Variants in NOB1 observed in about 807,000 individuals in gnomAD.
The protein encoded by NOB1 is NIN1 (RPN12) binding protein 1 homolog.
Under a neutral mutation model 44.8 loss-of-function variants are expected in NOB1, and 44 were observed. The ratio of observed to expected loss-of-function variants is 0.98; its 90% CI spans 0.77 to 1.26. The LOEUF is 1.26. Among genes scored for constraint, NOB1 ranks in the 50% most tolerant of loss-of-function variants. NOB1 has a pLI of 0.00. For synonymous variants in NOB1, 238 were observed against 218.7 expected, an observed-to-expected ratio of 1.09 and a Z score of -0.78; for missense variants, 560 against 544.8, an observed-to-expected ratio of 1.03 and a Z score of -0.28.
At chr16:69,750,388 A>G (rs141816273) in intron 3 of NOB1, among the ~76,000 whole-genome samples, 1 of 152,182 alleles carries the variant, frequency 6.6e-6, no homozygotes, top group African/African-American at 2.4e-5. Context: ...AGCCCTTAGG[A>G]AGGCTGAGGT....
chr16:69,752,246 G>C lies in NOB1; in HGVS notation c.322C>G (p.Gln108Glu), dbSNP rs768642056. ...AACCCATCCTCTTGATTTACCTTCT[G>C]TGGTTCTTGTTTTAGGTGAGACACC... ...VGVSHLKQEP[Q>E]KVKVSSSIQH... Residue 108 changes from glutamine to glutamate, a missense_variant, in exon 3 of 9, where the codon CAG (glutamine) becomes GAG (glutamate). Physicochemically the swap from Gln to Glu is conservative, Grantham distance 29. Coordinates refer to ENST00000268802, the MANE Select transcript of NOB1 (RefSeq NM_014062.3). The C allele has an allele frequency of 1.2e-6, 2 of 1,611,632 alleles. No individual in the cohort carries two copies. The highest frequency in any genetic ancestry group is 1.7e-6 in the Non-Finnish European group (2 of 1,179,130).
chr16:69,748,292 A>G lies in NOB1; in HGVS notation c.764T>C (p.Val255Ala), dbSNP rs757644602. 6.2e-7 allele frequency: 1 copy of G among 1,614,104 alleles called. No homozygotes were observed. Among genetic ancestry groups the G allele is most frequent in the Non-Finnish European group, 8.5e-7 (1 of 1,179,954 alleles). The change falls in exon 7 of 9, where the codon GTG (valine) becomes GCG (alanine). Residue 255 changes from valine to alanine, a missense_variant. Transcript: ENST00000268802. ...GGCCTCACGAATCAGCATGCCGTTC[A>G]CCGCCAGCACGTGCAGCCCCATCTG... ...LLQMGLHVLA[V>A]NGMLIREARS...
chr16:69,751,510 A>G (rs1357845407), intron 3 of NOB1, among the ~76,000 whole-genome samples: 2 of 150,872 alleles, frequency 1.3e-5, no homozygotes, highest in East Asian at 3.9e-4. Flanking sequence ...GAAAGAGGGA[A>G]AAAAAAAAGG....
chr16:69,744,800 C>G (rs959933440), intron 8 of NOB1, 73 bp downstream of exon 8: 38 of 1,529,898 alleles, frequency 2.5e-5, no homozygotes, highest in African/African-American at 4.1e-5. Context: ...AACGACTAGA[C>G]TAGGTTTTCT....
Position 69,754,844 on chromosome 16 carries a change from G to T in NOB1, c.63+4C>A. ...TCTCTCGTCCCGGAGGGAGCTCCCC[G>T]TACCTGCAGAGCCGCATGCCGCAGG... On this transcript the variant is annotated splice_donor_region_variant and intron_variant, in intron 1 of 8. Transcript: ENST00000268802. The T allele has an allele frequency of 1.9e-6, 3 of 1,602,822 alleles. No individual in the cohort carries two copies. Among genetic ancestry groups the T allele is most frequent in the South Asian group, 2.2e-5 (2 of 90,096 alleles).
chr16:69,744,766 G>A (rs1567641919), intron 8 of NOB1, 107 bp downstream of exon 8: 2 of 1,300,070 alleles, frequency 1.5e-6, no homozygotes, highest in Non-Finnish European at 2.1e-6. Flanking sequence ...TAGGTCACAG[G>A]CTTTCAATCG....
At chr16:69,750,893 TTAG>T (rs1244754360) in intron 3 of NOB1, among the ~76,000 whole-genome samples, 2 of 152,182 alleles carry the variant, frequency 1.3e-5, no homozygotes, top group Non-Finnish European at 2.9e-5. Context: ...TGAATTATTA[TTAG>T]GTTAAAATTT....
chr16:69,751,583 A>G (rs1216610340), intron 3 of NOB1, among the ~76,000 whole-genome samples: 7 of 152,158 alleles, frequency 4.6e-5, no homozygotes. Flanking sequence ...CCAAACAAAC[A>G]AACGCTTTAA....
chr16:69,742,926 C>T (rs553745681), intron 8 of NOB1, among the ~76,000 whole-genome samples: 5 of 152,276 alleles, frequency 3.3e-5, no homozygotes, highest in Middle Eastern at 3.4e-3. Context: ...GTAGCCAAGA[C>T]GCAATGACAC....
Position 69,754,718 on chromosome 16 carries a change from C to T in NOB1, c.72G>A (p.Gly24=), listed in dbSNP as rs942493881. 12 of 1,614,168 alleles carry T rather than the reference C, an allele frequency of 7.4e-6. No individual in the cohort carries two copies. Among genetic ancestry groups the T allele is most frequent in the East Asian group, 2.2e-5 (1 of 44,886 alleles). Residue 24 remains glycine, a synonymous_variant, in exon 2 of 9, where the codon GGG becomes GGA. Coordinates refer to ENST00000268802, the MANE Select transcript of NOB1 (RefSeq NM_014062.3). The part of the protein sequence containing the change: ...FLRHAALQDI[G]KNIYTIREVV... ...CCTCCCGGATGGTGTAAATGTTCTT[C>T]CCGATGTCCTGCGGACAGAACGCCC... is the stretch of plus-strand genomic sequence containing the variant.
intron 2 of NOB1, 45 bp downstream of exon 2, chr16:69,754,549 C>T (rs749305171): frequency 1.2e-6 from 2 of 1,608,152 alleles, no homozygotes. Context: ...GCCATCTGCG[C>T]CCTGGACCCC....
At chr16:69,742,713 C>T (rs2151752240) in intron 8 of NOB1, 112 bp from the exon 9 acceptor site, 2 of 1,135,484 alleles carry the variant, frequency 1.8e-6, no homozygotes, top group Non-Finnish European at 2.6e-6. Context: ...CAGATGACAG[C>T]GGGTGGTAAT....
chr16:69,749,396 G>T lies in NOB1; in HGVS notation c.400-58C>A, dbSNP rs1019702474. 3 of 1,578,328 alleles carry T rather than the reference G, an allele frequency of 1.9e-6. No homozygotes were observed. In the African/African-American group the frequency reaches 4.1e-5, roughly 22 times the overall value. On this transcript the variant is annotated intron_variant, in intron 4 of 8. Transcript: ENST00000268802. ...AAATTCATCTGTAGCCACCTCTCAG[G>T]TCACAGATGAAATCACATATGATAT...
rs2038395522 is a variant in NOB1, at chr16:69,742,728, T to G, written c.970-127A>C. Reference sequence around the variant, plus strand: ...CAGATGACAGCGGGTGGTAATTGACTGCCTACCATGTGCTACGTGTGACAT... The same window carrying G: ...CAGATGACAGCGGGTGGTAATTGACGGCCTACCATGTGCTACGTGTGACAT... On this transcript the variant is annotated intron_variant, in intron 8 of 8. Transcript: ENST00000268802. 16 of 918,776 alleles carry G rather than the reference T, an allele frequency of 1.7e-5. No homozygotes were observed. In the Admixed American group the frequency reaches 3.7e-4, roughly 21 times the overall value. 56.9% of individuals were successfully genotyped at this position (918,776 alleles called of 1,614,324 possible).
At chr16:69,750,765 C>T (rs541867397) in intron 3 of NOB1, among the ~76,000 whole-genome samples, 21 of 152,174 alleles carry the variant, frequency 1.4e-4, no homozygotes, top group African/African-American at 5.1e-4. Context: ...AGAGAGACCC[C>T]ATCTTTCTTA....
intron 4 of NOB1, 100 bp from the exon 5 acceptor site, chr16:69,749,438 A>C: frequency 1.3e-6 from 2 of 1,547,170 alleles, no homozygotes; most frequent in Non-Finnish European, 8.8e-7. Context: ...CAGATCAGAC[A>C]GGGCTGGACA....
intron 3 of NOB1, among the ~76,000 whole-genome samples, chr16:69,751,997 G>A (rs574703550): frequency 2.6e-5 from 4 of 152,050 alleles, no homozygotes; most frequent in African/African-American, 9.6e-5. Flanking sequence ...CCCAGGAGGC[G>A]GAGGCTGCAG....
At position 69,744,357 on chromosome 16, in the gene NOB1, T is replaced by G. The variant is rs565469928; in HGVS notation, c.969+516A>C. On this transcript the variant is annotated intron_variant, in intron 8 of 8. Coordinates refer to ENST00000268802, the MANE Select transcript of NOB1 (RefSeq NM_014062.3). ...AAACCCCAGGAATTGTTTGTACTGT[T>G]TTTACAACTTTTCTATAAGTTGAAA... is the stretch of plus-strand genomic sequence containing the variant. 1.8e-4 allele frequency among the ~76,000 whole-genome samples: 27 copies of G among 152,316 alleles called. No homozygotes were observed. The East Asian group carries it at 4.0e-3, about 23-fold the overall frequency.
chr16:69,744,439 C>G (rs1426063631), intron 8 of NOB1, among the ~76,000 whole-genome samples: 1 of 152,180 alleles, frequency 6.6e-6, no homozygotes. Context: ...TATTTTACTG[C>G]TGGGAGAAGC....
Sources: gnomAD v4.1 joint callset for allele counts (sites outside exome capture counted in the v4.1 genomes callset) on GRCh38, gnomAD v4.1.1 for gene constraint, MANE v1.5 for transcripts, NCBI Gene and HGNC (gene_info 2026-07-23, HGNC 2026-07-21) for gene names.